The following DVL2 variants were observed in gnomAD, a reference collection of about 807,000 sequenced individuals.
DVL2 encodes segment polarity protein dishevelled homolog DVL-2.
A neutral mutation model predicts 69.8 loss-of-function variants in DVL2; 38 were observed. That is an observed-to-expected ratio of 0.54 (90% CI 0.42 to 0.71). The LOEUF (loss-of-function observed/expected upper bound fraction) is 0.71, where lower values mean the gene tolerates loss of function less well. Ranked by LOEUF, DVL2 falls within the 30% of genes least tolerant of loss-of-function variation. DVL2 has a pLI of 0.00. For missense variants in DVL2, 931 were observed against 1,008.1 expected, an observed-to-expected ratio of 0.92 and a Z score of 1.04; for synonymous variants, 428 against 392.4, an observed-to-expected ratio of 1.09 and a Z score of -1.07.
At chr17:7,228,257 A>G (rs1420779411) in intron 9 of DVL2, 1 of 505,752 alleles carries the variant, frequency 2.0e-6, no homozygotes, top group African/African-American at 1.9e-5. Flanking sequence ...GTGAGACAAG[A>G]GAGTACACGC....
At chr17:7,228,335 C>T (rs2071489949) in intron 9 of DVL2, 1 of 254,136 alleles carries the variant, frequency 3.9e-6, no homozygotes, top group Non-Finnish European at 7.6e-6. Flanking sequence ...AGGATACGTG[C>T]AAGGGTGGTA....
Position 7,225,491 on chromosome 17 carries a change from C to T in DVL2, c.*374G>A. On this transcript the variant is annotated 3_prime_UTR_variant, in exon 15 of 15. Coordinates refer to ENST00000005340, the MANE Select transcript of DVL2 (RefSeq NM_004422.3). Reference sequence around the variant, plus strand: ...CGGGGTACCGCTGACCACCCCCAACCCTGCAAAGGGCAGGGCTGTGGGTAA... The same window carrying T: ...CGGGGTACCGCTGACCACCCCCAACTCTGCAAAGGGCAGGGCTGTGGGTAA... 1 of 426,102 alleles carries T rather than the reference C, an allele frequency of 2.3e-6. No individual in the cohort carries two copies. The highest frequency in any genetic ancestry group is 4.3e-6 in the Non-Finnish European group (1 of 232,794). 26.4% of individuals were successfully genotyped at this position (426,102 alleles called of 1,614,324 possible). A position where few individuals can be genotyped will look rare whatever the true frequency, so the allele number is the denominator to read the frequency against.
Position 7,227,097 on chromosome 17 carries a change from A to T in DVL2, c.1536T>A (p.Cys512Ter), listed in dbSNP as rs751510485. Residue 512 changes from cysteine (C) to a stop codon, truncating the protein, a stop_gained, in exon 13 of 15, where the codon TGT (cysteine) becomes TGA (stop). Coordinates refer to ENST00000005340, the MANE Select transcript of DVL2 (RefSeq NM_004422.3). LOFTEE classifies it high-confidence loss of function. ...YYVFGDLSGGCESYLVNLSLN... is the reference protein window; with the variant it reads ...YYVFGDLSGG ...TGGGGCAGGGGGACTTACAGCTCTC[A>T]CAGCCACCACTGAGGTCTCCGAAGA... 6.2e-7 allele frequency: 1 copy of T among 1,607,830 alleles called. No individual in the cohort carries two copies. The highest frequency in any genetic ancestry group is 8.5e-7 in the Non-Finnish European group (1 of 1,176,962).
In DVL2 at chr17:7,227,659, A is replaced by G; in HGVS notation, c.1227T>C (p.Pro409=). The G allele has an allele frequency of 6.2e-7, 1 of 1,614,180 alleles. No individual in the cohort carries two copies. Among genetic ancestry groups the G allele is most frequent in the Non-Finnish European group, 8.5e-7 (1 of 1,180,020 alleles). The part of the protein sequence containing the change: ...MSTITSGSSL[P]DGCEGRGLSV... ...TGAGGTGGGCTGGCGGCTCACCATC[A>G]GGCAAAGACGATCCAGATGTAATGG... The change falls in exon 11 of 15, where the codon CCT becomes CCC. Residue 409 remains proline (P), a synonymous_variant. Coordinates refer to ENST00000005340, the MANE Select transcript of DVL2 (RefSeq NM_004422.3).
At chr17:7,230,258 C>T in intron 3 of DVL2, 27 bp downstream of exon 3, 1 of 1,613,870 alleles carries the variant, frequency 6.2e-7, no homozygotes, top group Admixed American at 1.7e-5. Flanking sequence ...CCTCCCTCCC[C>T]TGCAGTCAAG....
chr17:7,233,861 T>C (rs1313986465), intron 1 of DVL2: 1 of 632,922 alleles, frequency 1.6e-6, no homozygotes, highest in Non-Finnish European at 2.8e-6. Flanking sequence ...TAATCTGGTT[T>C]AGGATATCCT....
intron 1 of DVL2, among the ~76,000 whole-genome samples, chr17:7,232,859 G>T (rs1206394706): frequency 6.6e-6 from 1 of 152,140 alleles, no homozygotes; most frequent in East Asian, 1.9e-4. Context: ...GGAGGCTGAG[G>T]CGGGCGAATC....
rs2071430523 is a variant in DVL2 at position 7,225,591 on chromosome 17, C to G, written c.*274G>C. 2 of 501,522 alleles carry G rather than the reference C, an allele frequency of 4.0e-6. No individual in the cohort carries two copies. Among genetic ancestry groups the G allele is most frequent in the Non-Finnish European group, 7.1e-6 (2 of 282,778 alleles). The allele number at this position is 501,522 out of a possible 1,614,324, so 31.1% of individuals were successfully genotyped here. On this transcript the variant is annotated 3_prime_UTR_variant, in exon 15 of 15. Coordinates refer to ENST00000005340, the MANE Select transcript of DVL2 (RefSeq NM_004422.3). ...AATTCTTCATATAAAAGAGGAAATG[C>G]CTATTAAAAAAGTCCCAAAAATGTA...
Position 7,229,603 on chromosome 17 carries a change from T to C in DVL2, c.732A>G (p.Pro244=). 1 of 1,560,714 alleles carries C rather than the reference T, an allele frequency of 6.4e-7. No homozygotes were observed. Among genetic ancestry groups the C allele is most frequent in the Non-Finnish European group, 8.7e-7 (1 of 1,154,748 alleles). Residue 244 remains proline (P), a synonymous_variant, in exon 6 of 15, where the codon CCA becomes CCG. Transcript: ENST00000005340. This position sits in a 1 kb window ranked among gnomAD's most constrained non-coding sequence, Gnocchi z 4.4. The stretch of plus-strand genomic sequence containing the variant: ...AACCCCTCACCCTCTCCAGGCGGGG[T>C]GGCCTCTGCTTCCTTCGCCGCCGGT... ...KRHRRRRKQR[P]PRLERTSSFS...
intron 2 of DVL2, 118 bp downstream of exon 2, chr17:7,230,610 G>A (rs1019841587): frequency 1.5e-6 from 2 of 1,318,656 alleles, no homozygotes; most frequent in African/African-American, 3.0e-5. Flanking sequence ...CAAACAGACA[G>A]GAGGTAAAGA....
rs201322198 is a variant in DVL2 at position 7,234,286 on chromosome 17, C to A, written c.-24G>T. 6.3e-7 allele frequency: 1 copy of A among 1,599,262 alleles called. No individual in the cohort carries two copies. Among genetic ancestry groups the A allele is most frequent in the African/African-American group, 1.3e-5 (1 of 74,570 alleles). ...ATGGTCTCGCCCGCGCGCTCCCGGG[C>A]TCCACCGCCCACCCAAAGGGCTAAT... On this transcript the variant is annotated 5_prime_UTR_variant, in exon 1 of 15. Coordinates refer to ENST00000005340, the MANE Select transcript of DVL2 (RefSeq NM_004422.3).
Position 7,230,373 on chromosome 17 carries a change from C to T in DVL2, c.322G>A (p.Ala108Thr), listed in dbSNP as rs746167226. The change falls in exon 3 of 15, where the codon GCA (alanine) becomes ACA (threonine). Residue 108 changes from alanine (A) to threonine (T), a missense_variant. Ala to Thr is a moderately conservative substitution (Grantham distance 58). Transcript: ENST00000005340. ...EMAPPVHEPR[A>T]ELAPPAPPLP... ...GGTGGGGCTGGAGGCGCCAGTTCTG[C>T]CCGAGGCTCATGGACTGGAGGGGCC... The T allele has an allele frequency of 1.2e-6, 2 of 1,614,106 alleles. No homozygotes were observed. The highest frequency in any genetic ancestry group is 1.7e-6 in the Non-Finnish European group (2 of 1,180,016).
rs199741414 is a variant in DVL2 at position 7,229,405 on chromosome 17, T to C, written c.790A>G (p.Asn264Asp). ...ATGTTTAGCGTGACTGTGATGATAT[T>C]GAGAGACATTGTGGAATCTGTGACG... ...SSVTDSTMSL[N>D]IITVTLNMEK... The change falls in exon 7 of 15, where the codon AAT becomes GAT. Residue 264 changes from asparagine (N) to aspartate (D), a missense_variant. Asn to Asp is a conservative substitution (Grantham distance 23). This residue lies in a region of DVL2 where 555 missense variants were observed against 588.8 expected (regional missense o/e 0.94). Coordinates refer to ENST00000005340, the MANE Select transcript of DVL2 (RefSeq NM_004422.3). This position sits in a 1 kb window ranked among gnomAD's most constrained non-coding sequence, Gnocchi z 4.4. The C allele has an allele frequency of 2.1e-4, 340 of 1,613,778 alleles. No homozygotes were observed. The highest frequency in any genetic ancestry group is 2.7e-4 in the Non-Finnish European group (323 of 1,179,962).
Position 7,231,955 on chromosome 17 carries a change from G to A in DVL2, c.195-1158C>T, listed in dbSNP as rs190601003. 2.6e-5 allele frequency among the ~76,000 whole-genome samples: 4 copies of A among 152,054 alleles called. No homozygotes were observed. The East Asian group carries it at 5.8e-4, about 22-fold the overall frequency. ...AGCTCCCAAGGAGAGGGCAAGCTGG[G>A]GTTCCCATTCCCCTGTGCCTCACTG... On this transcript the variant is annotated intron_variant, in intron 1 of 14. Coordinates refer to ENST00000005340, the MANE Select transcript of DVL2 (RefSeq NM_004422.3).
intron 1 of DVL2, among the ~76,000 whole-genome samples, chr17:7,233,087 C>CA (rs59984818): frequency 0.017 from 616 of 36,098 alleles, 43 homozygotes; most frequent in Middle Eastern, 0.03. Context: ...GAGACTGTCT[C>CA]AAAAAAAAAA....
intron 1 of DVL2, among the ~76,000 whole-genome samples, chr17:7,231,843 G>A (rs2071546931): frequency 1.4e-5 from 2 of 143,528 alleles, no homozygotes; most frequent in Non-Finnish European, 3.0e-5. Flanking sequence ...AGCCTGGGCA[G>A]AGTGAGACTC....
At chr17:7,227,844 TC>T in intron 10 of DVL2, 61 bp from the exon 11 acceptor site, 1 of 1,556,874 alleles carries the variant, frequency 6.4e-7, no homozygotes, top group Non-Finnish European at 8.7e-7. Context: ...GCCCAGTCCC[TC>T]CCTGACTCAG....
At chr17:7,227,623 G>A in intron 11 of DVL2, 32 bp downstream of exon 11, 7 of 1,614,148 alleles carry the variant, frequency 4.3e-6, no homozygotes, top group Non-Finnish European at 5.9e-6. Context: ...CCTTCTGCTG[G>A]GAGGGTGGGA....
rs1330746904 is a variant in DVL2 at position 7,230,389 on chromosome 17, T to C, written c.306A>G (p.Pro102=). ...CCAGTTCTGCCCGAGGCTCATGGAC[T>C]GGAGGGGCCATCTCGGGTTGGGGAT... The part of the protein sequence containing the change: ...SDNPQPEMAP[P]VHEPRAELAP... The change falls in exon 3 of 15, where the codon CCA becomes CCG. Residue 102 remains proline (P), a synonymous_variant. Coordinates refer to ENST00000005340, the MANE Select transcript of DVL2 (RefSeq NM_004422.3). 6.2e-7 allele frequency: 1 copy of C among 1,614,128 alleles called. No individual in the cohort carries two copies. Among genetic ancestry groups the C allele is most frequent in the South Asian group, 1.1e-5 (1 of 91,084 alleles).
Sources: gnomAD v4.1 joint callset for allele counts (sites outside exome capture counted in the v4.1 genomes callset) on GRCh38, gnomAD v4.1.1 for gene constraint, gnomAD v4.1.1 regional missense constraint, Gnocchi (gnomAD v3.1) non-coding constraint, MANE v1.5 for transcripts, NCBI Gene and HGNC (gene_info 2026-07-23, HGNC 2026-07-21) for gene names.